Variants in ZBBX observed in about 807,000 individuals in gnomAD.
ZBBX encodes the protein zinc finger B-box domain containing.
ZBBX carries 101 observed loss-of-function variants against 108.5 expected under a neutral mutation model. The observed-to-expected ratio is 0.93, with a 90% CI of 0.79 to 1.10. The LOEUF (loss-of-function observed/expected upper bound fraction) is 1.10, where lower values mean the gene tolerates loss of function less well. ZBBX is among the 50% of genes least tolerant of loss of function. The pLI is 0.00. For synonymous variants in ZBBX, 356 were observed against 323.4 expected (o/e 1.10, Z -1.08); for missense variants, 1,009 against 941.4 (o/e 1.07, Z -0.94).
intron 2 of ZBBX, among the ~76,000 whole-genome samples, chr3:167,379,133 C>T (rs1447859798): frequency 6.6e-6 from 1 of 152,110 alleles, no homozygotes; most frequent in Non-Finnish European, 1.5e-5. Context: ...ATTAAACACG[C>T]CCTCTTTCCC....
chr3:167,195,584 T>C, the ZBBX span, among the ~76,000 whole-genome samples: 2 of 152,208 alleles, frequency 1.3e-5, no homozygotes, highest in Non-Finnish European at 2.9e-5. Flanking sequence ...TTTTTCTTCC[T>C]GGTAGGCACA....
At chr3:167,180,820 T>A in the ZBBX span, among the ~76,000 whole-genome samples, 1 of 152,194 alleles carries the variant, frequency 6.6e-6, no homozygotes, top group Non-Finnish European at 1.5e-5. Flanking sequence ...TAAAGGCCAA[T>A]TTTTTGGAAT....
downstream of ZBBX, among the ~76,000 whole-genome samples, chr3:167,235,461 G>C (rs1720194495): frequency 6.6e-6 from 1 of 151,080 alleles, no homozygotes; most frequent in Non-Finnish European, 1.5e-5. Flanking sequence ...TTTCCCCCTG[G>C]AAATCTTTAA....
chr3:167,282,303 T>A lies in ZBBX; in HGVS notation c.2189A>T (p.Asp730Val). ...GTCTAAAGTATGTTGATCAGTAGTG[T>A]CATCTAAGGAAAGCTCATTCTGGTC... ...ITDQNELSLD[D>V]TTDQHTLDNL... Residue 730 changes from aspartate (D) to valine (V), a missense_variant, in exon 20 of 22, where the codon GAC (aspartate) becomes GTC (valine). Transcript: ENST00000675490. 1 of 1,613,966 alleles carries A rather than the reference T, an allele frequency of 6.2e-7. No individual in the cohort carries two copies. The highest frequency in any genetic ancestry group is 8.5e-7 in the Non-Finnish European group (1 of 1,179,854).
At position 167,322,177 on chromosome 3, in the gene ZBBX, A is replaced by C. The variant is rs762677777; in HGVS notation, c.923T>G (p.Ile308Ser). Residue 308 changes from isoleucine (I) to serine (S), a missense_variant, in exon 12 of 22, where the codon ATT (isoleucine) becomes AGT (serine). Physicochemically the swap from Ile to Ser is moderately radical, Grantham distance 142. Coordinates refer to ENST00000675490, the MANE Select transcript of ZBBX (RefSeq NM_001199201.2). The stretch of plus-strand genomic sequence containing the variant: ...GGATAGAATGTCTTCTTTAAGTTCA[A>C]TATTAAGTGGTTCTCTCCAAATTTT... ...NLKIWREPLN[I>S]ELKEDILSYM... is the part of the protein sequence containing the mutation. The C allele has an allele frequency of 1.4e-6, 2 of 1,471,594 alleles. No individual in the cohort carries two copies. The highest frequency in any genetic ancestry group is 2.9e-5 in the African/African-American group (2 of 69,772). 91.2% of individuals were successfully genotyped at this position (1,471,594 alleles called of 1,614,324 possible).
In ZBBX at chr3:167,317,109, G is replaced by C. The variant is rs755475180; in HGVS notation, c.1094-4C>G. ...TGTTGTACTTTGGTCTCCTCACCTA[G>C]GAAATAAGATTCACAAATAATATCA... On this transcript the variant is annotated splice_polypyrimidine_tract_variant and splice_region_variant and intron_variant, in intron 13 of 21. Coordinates refer to ENST00000675490, the MANE Select transcript of ZBBX (RefSeq NM_001199201.2). The C allele has an allele frequency of 6.4e-7, 1 of 1,558,070 alleles. No homozygotes were observed. The highest frequency in any genetic ancestry group is 1.1e-5 in the South Asian group (1 of 87,914).
At chr3:167,323,265 T>G in intron 11 of ZBBX, among the ~76,000 whole-genome samples, 1 of 151,086 alleles carries the variant, frequency 6.6e-6, no homozygotes, top group African/African-American at 2.4e-5. Context: ...AACTCTTTTG[T>G]TTTTGCTGTC....
intron 7 of ZBBX, among the ~76,000 whole-genome samples, chr3:167,360,460 A>C (rs954278474): frequency 2.0e-5 from 3 of 151,854 alleles, no homozygotes; most frequent in African/African-American, 7.2e-5. Flanking sequence ...GAAAAATACT[A>C]TTACTATAAT....
chr3:167,309,516 T>C (rs1257563801), intron 16 of ZBBX, among the ~76,000 whole-genome samples: 2 of 152,248 alleles, frequency 1.3e-5, no homozygotes, highest in African/African-American at 4.8e-5. Flanking sequence ...ACCTCAAGTC[T>C]TATCTTCTGT....
intron 19 of ZBBX, among the ~76,000 whole-genome samples, chr3:167,287,600 T>A (rs1729929380): frequency 6.6e-6 from 1 of 152,168 alleles, no homozygotes; most frequent in Admixed American, 6.6e-5. Context: ...GACTGATCTG[T>A]CCAAATTGAT....
intron 13 of ZBBX, 76 bp from the exon 14 acceptor site, chr3:167,317,181 C>T (rs1735611187): frequency 9.9e-7 from 1 of 1,014,980 alleles, no homozygotes; most frequent in South Asian, 1.6e-5. Flanking sequence ...AAGATAGCCA[C>T]CAAAAAAGAA....
intron 20 of ZBBX, among the ~76,000 whole-genome samples, chr3:167,256,529 T>C (rs1723546621): frequency 6.7e-6 from 1 of 148,492 alleles, no homozygotes; most frequent in South Asian, 2.1e-4. Flanking sequence ...AACCCTGTTG[T>C]GCTATCAAAT....
chr3:167,372,959 G>C lies in ZBBX; in HGVS notation c.-49-9C>G, dbSNP rs1746374242. 1 of 1,345,114 alleles carries C rather than the reference G, an allele frequency of 7.4e-7. No individual in the cohort carries two copies. Among genetic ancestry groups the C allele is most frequent in the Non-Finnish European group, 1.0e-6 (1 of 972,588 alleles). The allele number at this position is 1,345,114 out of a possible 1,614,324, so 83.3% of individuals were successfully genotyped here. On this transcript the variant is annotated splice_polypyrimidine_tract_variant and intron_variant, in intron 3 of 21. Coordinates refer to ENST00000675490, the MANE Select transcript of ZBBX (RefSeq NM_001199201.2). Reference sequence around the variant, plus strand: ...CTGATTTGTAAACACTTCTGTAAAAGTAACAAAGACAAAAGAATTATGGCA... The same window carrying C: ...CTGATTTGTAAACACTTCTGTAAAACTAACAAAGACAAAAGAATTATGGCA...
At chr3:167,263,035 C>CTTTTTTTTTTT (rs59613369) in intron 20 of ZBBX, among the ~76,000 whole-genome samples, 3 of 84,890 alleles carry the variant, frequency 3.5e-5, no homozygotes, top group Non-Finnish European at 6.9e-5. Context: ...TTTTCTAGTT[C>CTTTTTTTTTTT]TTTTTTTTTT....
At chr3:167,195,522 A>G in the ZBBX span, among the ~76,000 whole-genome samples, 2 of 152,192 alleles carry the variant, frequency 1.3e-5, no homozygotes, top group Non-Finnish European at 2.9e-5. Flanking sequence ...GCTGTGTTGA[A>G]CTTACATTTA....
At chr3:167,200,337 T>A in the ZBBX span, among the ~76,000 whole-genome samples, 9 of 152,170 alleles carry the variant, frequency 5.9e-5, no homozygotes, top group Non-Finnish European at 1.2e-4. Flanking sequence ...CACTAAATAT[T>A]TTGATTTGAA....
At position 167,242,490 on chromosome 3, in the gene ZBBX, G is replaced by T. The variant is rs11923256; in HGVS notation, c.2393+15C>A. On this transcript the variant is annotated intron_variant, in intron 21 of 21. Coordinates refer to ENST00000675490, the MANE Select transcript of ZBBX (RefSeq NM_001199201.2). Reference sequence around the variant, plus strand: ...TACATACTATATTAATAAATAAACTGCAGGCTTAACTTACCTCAATTCCTC... The same window carrying T: ...TACATACTATATTAATAAATAAACTTCAGGCTTAACTTACCTCAATTCCTC... 0.36 allele frequency: 567,563 copies of T among 1,581,098 alleles called. 107,741 individuals carry two copies. Among genetic ancestry groups the T allele is most frequent in the Non-Finnish European group, 0.38 (449,363 of 1,167,928 alleles).
At chr3:167,384,046 A>G (rs893220054), upstream of ZBBX, among the ~76,000 whole-genome samples, 3 of 152,118 alleles carry the variant, frequency 2.0e-5, no homozygotes, top group Non-Finnish European at 4.4e-5. Context: ...CCTATTCACA[A>G]TGGAAACTGT....
intron 9 of ZBBX, among the ~76,000 whole-genome samples, chr3:167,334,631 CT>C (rs1295588812): frequency 6.6e-6 from 1 of 152,034 alleles, no homozygotes; most frequent in African/African-American, 2.4e-5. Flanking sequence ...ACAACTTGCC[CT>C]TGGTCACAGT....
Sources: gnomAD v4.1 joint callset for allele counts (sites outside exome capture counted in the v4.1 genomes callset) on GRCh38, gnomAD v4.1.1 for gene constraint, MANE v1.5 for transcripts, NCBI Gene and HGNC (gene_info 2026-07-23, HGNC 2026-07-21) for gene names.